Variants in OR3A2 observed in about 807,000 individuals in gnomAD.
OR3A2 encodes olfactory receptor 3A2.
For synonymous variants in OR3A2, 126 were observed against 159.3 expected, an observed-to-expected ratio of 0.79 and a Z score of 1.57; for missense variants, 318 against 392.8, an observed-to-expected ratio of 0.81 and a Z score of 1.61.
At chr17:3,287,137 A>G (rs781018130), upstream of OR3A2, among the ~76,000 whole-genome samples, 8 of 152,176 alleles carry the variant, frequency 5.3e-5, no homozygotes, top group Non-Finnish European at 8.8e-5. Flanking sequence ...TCTACTTTAT[A>G]TGGTAAAGGA....
chr17:3,320,759 C>G (rs960218904), intron 3 of OR3A2, among the ~76,000 whole-genome samples: 4 of 151,900 alleles, frequency 2.6e-5, no homozygotes, highest in Non-Finnish European at 5.9e-5. Flanking sequence ...GGTACTAGTA[C>G]CATGCTGTTT....
At chr17:3,331,040 C>A (rs1458326046) in intron 3 of OR3A2, among the ~76,000 whole-genome samples, 2 of 152,052 alleles carry the variant, frequency 1.3e-5, no homozygotes, top group South Asian at 2.1e-4. Flanking sequence ...GACTATTGGC[C>A]CCCACTCTCT....
intron 3 of OR3A2, among the ~76,000 whole-genome samples, chr17:3,326,543 C>CT (rs908125547): frequency 5.1e-4 from 73 of 144,042 alleles, no homozygotes; most frequent in East Asian, 1.6e-3. Flanking sequence ...TTATGCCTGT[C>CT]TTTTTTTTTT....
At chr17:3,289,988 G>A (rs759209084) in intron 3 of OR3A2, among the ~76,000 whole-genome samples, 1 of 152,044 alleles carries the variant, frequency 6.6e-6, no homozygotes, top group Non-Finnish European at 1.5e-5. Flanking sequence ...TTTTAGATAC[G>A]TAGCTGGAGA....
chr17:3,375,139 CTTTTTTTTTTTTTTTTTT>C (rs552615698), intron 2 of OR3A2, among the ~76,000 whole-genome samples: 1 of 28,702 alleles, frequency 3.5e-5, no homozygotes, highest in African/African-American at 1.1e-4. Flanking sequence ...AGCCTTCTTC[CTTTTTTTTTTTTTTTTTT>C]TTTTTTTTTT....
chr17:3,308,852 T>C (rs962877674), intron 3 of OR3A2, among the ~76,000 whole-genome samples: 1 of 152,142 alleles, frequency 6.6e-6, no homozygotes, highest in Non-Finnish European at 1.5e-5. Flanking sequence ...TTAGCCTCCA[T>C]GTGAGAGACT....
intron 2 of OR3A2, among the ~76,000 whole-genome samples, chr17:3,374,328 T>C (rs1307611499): frequency 6.6e-6 from 1 of 152,206 alleles, no homozygotes; most frequent in African/African-American, 2.4e-5. Flanking sequence ...GCTTCTTGTA[T>C]TTGGTCATCT....
In OR3A2 at chr17:3,363,134, T is replaced by C. The variant is rs943203441; in HGVS notation, c.-179+20670A>G. ...TTTTCCCCATTGTCTTGGCTCCCCA[T>C]TAAATATGCAAATTTCTGCAGATGG... is the stretch of plus-strand genomic sequence containing the variant. On this transcript the variant is annotated intron_variant, in intron 2 of 4. Transcript: ENST00000573491. Among the ~76,000 whole-genome samples, 2 of 151,872 alleles carry C rather than the reference T, an allele frequency of 1.3e-5. 1 individual carries two copies. Among genetic ancestry groups the C allele is most frequent in the African/African-American group, 4.9e-5 (2 of 41,130 alleles).
intron 2 of OR3A2, among the ~76,000 whole-genome samples, chr17:3,345,734 T>C (rs2049358925): frequency 6.6e-6 from 1 of 152,096 alleles, no homozygotes; most frequent in Non-Finnish European, 1.5e-5. Flanking sequence ...AGTTTTAACA[T>C]CTGAAGAATA....
intron 3 of OR3A2, among the ~76,000 whole-genome samples, chr17:3,302,622 T>G (rs1194205249): frequency 6.6e-6 from 1 of 152,238 alleles, no homozygotes; most frequent in Non-Finnish European, 1.5e-5. Context: ...TGGGCTTTAT[T>G]CTTTAAATAT....
chr17:3,287,777 T>A (rs969707390), upstream of OR3A2, among the ~76,000 whole-genome samples: 17 of 152,056 alleles, frequency 1.1e-4, no homozygotes, highest in Non-Finnish European at 1.6e-4. Flanking sequence ...GCAGCATTGG[T>A]CTCAGTTAAA....
intron 3 of OR3A2, among the ~76,000 whole-genome samples, chr17:3,325,839 T>C (rs1412180815): frequency 6.6e-6 from 1 of 152,100 alleles, no homozygotes; most frequent in East Asian, 1.9e-4. Context: ...GCAGGTTTAT[T>C]ACATAGGTAG....
At chr17:3,335,569 C>A (rs2049270158) in intron 3 of OR3A2, among the ~76,000 whole-genome samples, 2 of 152,108 alleles carry the variant, frequency 1.3e-5, no homozygotes, top group Admixed American at 1.3e-4. Flanking sequence ...TCCATTCCAT[C>A]AATTTTCTAT....
chr17:3,330,270 T>G (rs980726180), intron 3 of OR3A2, among the ~76,000 whole-genome samples: 1 of 151,498 alleles, frequency 6.6e-6, no homozygotes, highest in African/African-American at 2.4e-5. Flanking sequence ...GTATCCTTGT[T>G]GACTTTCTGT....
intron 2 of OR3A2, among the ~76,000 whole-genome samples, chr17:3,374,492 T>C (rs979038348): frequency 2.0e-5 from 3 of 152,218 alleles, no homozygotes; most frequent in African/African-American, 7.2e-5. Context: ...TTATTCATTT[T>C]TCTTTGTCTT....
intron 3 of OR3A2, among the ~76,000 whole-genome samples, chr17:3,331,135 T>C (rs1283297982): frequency 6.6e-6 from 1 of 152,248 alleles, no homozygotes; most frequent in Admixed American, 6.5e-5. Context: ...TCTCTCTGGC[T>C]GCCCTTAACA....
chr17:3,296,148 TACAA>T (rs775443504), intron 3 of OR3A2, among the ~76,000 whole-genome samples: 2 of 151,870 alleles, frequency 1.3e-5, no homozygotes, highest in Non-Finnish European at 2.9e-5. Flanking sequence ...GAACAAATAA[TACAA>T]ACAATGATAT....
chr17:3,298,585 C>G (rs2048939207), intron 3 of OR3A2, among the ~76,000 whole-genome samples: 1 of 152,232 alleles, frequency 6.6e-6, no homozygotes, highest in African/African-American at 2.4e-5. Context: ...CTTTCTCTCA[C>G]TTGATATGTT....
At chr17:3,290,533 T>A (rs2048855945) in intron 3 of OR3A2, among the ~76,000 whole-genome samples, 1 of 152,132 alleles carries the variant, frequency 6.6e-6, no homozygotes, top group South Asian at 2.1e-4. Context: ...CATAAAATAT[T>A]ATAGAGAAGC....
Sources: allele counts gnomAD v4.1 joint callset (sites outside exome capture counted in the v4.1 genomes callset), GRCh38; gene constraint gnomAD v4.1.1; transcripts MANE v1.5; gene names NCBI Gene and HGNC (gene_info 2026-07-23, HGNC 2026-07-21).